GAS7: variants seen among roughly 807,000 people sequenced by gnomAD.
GAS7 encodes growth arrest-specific protein 7.
A neutral mutation model predicts 71.1 loss-of-function variants in GAS7; 28 were observed. The observed-to-expected ratio is 0.39, with a 90% CI of 0.29 to 0.54. The LOEUF is 0.54. GAS7 is among the 20% of genes least tolerant of loss of function. GAS7 has a pLI of 0.62. For missense variants in GAS7, 436 were observed against 627.8 expected, an observed-to-expected ratio of 0.69 and a Z score of 3.27; for synonymous variants, 258 against 245.8, an observed-to-expected ratio of 1.05 and a Z score of -0.46.
At chr17:9,995,622 C>T (rs2071012061) in intron 2 of GAS7, among the ~76,000 whole-genome samples, 1 of 151,904 alleles carries the variant, frequency 6.6e-6, no homozygotes, top group South Asian at 2.1e-4. Context: ...TGTTTTCACC[C>T]ATGGGGAAAA....
chr17:9,938,111 A>G, intron 8 of GAS7, among the ~76,000 whole-genome samples: 1 of 152,188 alleles, frequency 6.6e-6, no homozygotes, highest in East Asian at 1.9e-4. Context: ...ACCCTAACCC[A>G]CAATGTGGCT....
chr17:9,920,794 G>A (rs190450257), intron 11 of GAS7, among the ~76,000 whole-genome samples: 42 of 152,352 alleles, frequency 2.8e-4, no homozygotes, highest in Middle Eastern at 3.4e-3. Context: ...AAGCTCATGA[G>A]TGAACCCCAA....
intron 1 of GAS7, among the ~76,000 whole-genome samples, chr17:10,091,362 G>A (rs942060129): frequency 6.6e-6 from 1 of 152,068 alleles, no homozygotes; most frequent in African/African-American, 2.4e-5. Context: ...CCACCGAACT[G>A]TTTACTTTAG....
At chr17:10,162,942 T>C (rs1057211378) in intron 1 of GAS7, among the ~76,000 whole-genome samples, 1 of 152,096 alleles carries the variant, frequency 6.6e-6, no homozygotes, top group Non-Finnish European at 1.5e-5. Flanking sequence ...TGTACAACAA[T>C]GTGATGTGCT....
intron 1 of GAS7, among the ~76,000 whole-genome samples, chr17:10,176,745 T>A (rs1016535532): frequency 1.3e-5 from 2 of 151,910 alleles, no homozygotes; most frequent in Non-Finnish European, 1.5e-5. Context: ...ATCCTGGGAG[T>A]CCTGGCCTGG....
intron 3 of GAS7, among the ~76,000 whole-genome samples, chr17:9,978,255 G>A (rs949738913): frequency 2.6e-5 from 4 of 151,388 alleles, no homozygotes; most frequent in African/African-American, 9.7e-5. Flanking sequence ...GATGGGCAGG[G>A]CCTCGTTTTA....
At chr17:10,194,662 A>C (rs2074526958) in intron 1 of GAS7, among the ~76,000 whole-genome samples, 1 of 152,032 alleles carries the variant, frequency 6.6e-6, no homozygotes, top group African/African-American at 2.4e-5. Flanking sequence ...CCTCTACCAT[A>C]TCTCTCAAAT....
chr17:10,009,304 G>A (rs778081795), intron 2 of GAS7, among the ~76,000 whole-genome samples: 1 of 121,896 alleles, frequency 8.2e-6, no homozygotes, highest in East Asian at 2.4e-4. Flanking sequence ...CTGGGCGACA[G>A]AGCGAGACTC....
At position 10,062,816 on chromosome 17, in the gene GAS7, G is replaced by A. The variant is rs78915242; in HGVS notation, c.184-42919C>T. 9.8e-3 allele frequency among the ~76,000 whole-genome samples: 1,487 copies of A among 152,246 alleles called. 22 individuals are homozygous for A. Among genetic ancestry groups the A allele is most frequent in the African/African-American group, 0.033 (1,385 of 41,526 alleles). The stretch of plus-strand genomic sequence containing the variant: ...CCCCAGGAGTGCTGAGCCACCATTA[G>A]CTGACACTAATTCCTAATGACCCTG... On this transcript the variant is annotated intron_variant, in intron 1 of 13. Transcript: ENST00000432992.
At chr17:10,138,113 C>T (rs1322508260) in intron 1 of GAS7, among the ~76,000 whole-genome samples, 3 of 152,050 alleles carry the variant, frequency 2.0e-5, no homozygotes, top group Non-Finnish European at 4.4e-5. Flanking sequence ...CAGGCGCCCA[C>T]CACAGCGCCC....
In GAS7 at chr17:10,103,166, A is replaced by G. The variant is rs111849118; in HGVS notation, c.184-83269T>C. 2.0e-5 allele frequency among the ~76,000 whole-genome samples: 3 copies of G among 152,022 alleles called. No individual in the cohort carries two copies. The highest frequency in any genetic ancestry group is 7.2e-5 in the African/African-American group (3 of 41,404). Reference sequence around the variant, plus strand: ...CCAGGAGTTTGAGACCAGCCTGGGCAATATGGCAAAACCCCTCCTCTAAAA... The same window carrying G: ...CCAGGAGTTTGAGACCAGCCTGGGCGATATGGCAAAACCCCTCCTCTAAAA... On this transcript the variant is annotated intron_variant, in intron 1 of 13. Transcript: ENST00000432992. The surrounding 1 kb of genome is among the most constrained non-coding windows in gnomAD (Gnocchi z 5.5).
At chr17:9,947,573 C>T (rs925216282) in intron 5 of GAS7, among the ~76,000 whole-genome samples, 7 of 151,964 alleles carry the variant, frequency 4.6e-5, no homozygotes, top group Non-Finnish European at 8.8e-5. Flanking sequence ...GGAGAAACCC[C>T]GTCTCTACTA....
rs1296844463 is a variant in GAS7, at chr17:10,005,050, T to TATATACAC, written c.304+14726_304+14727insGTGTATAT. ...CTCTCTATATATACATACATATATA[T>TATATACAC]ACACATATATGTGTGTATGCACGCA... On this transcript the variant is annotated intron_variant, in intron 2 of 13. Transcript: ENST00000432992. Among the ~76,000 whole-genome samples, 142 of 150,156 alleles carry TATATACAC rather than the reference T, an allele frequency of 9.5e-4. 3 individuals carry two copies. Among genetic ancestry groups the TATATACAC allele is most frequent in the African/African-American group, 3.3e-3 (133 of 40,142 alleles).
intron 1 of GAS7, among the ~76,000 whole-genome samples, chr17:10,130,835 G>A (rs1032020913): frequency 8.5e-5 from 13 of 152,150 alleles, no homozygotes; most frequent in African/African-American, 2.7e-4. Flanking sequence ...ATAAGTGGCC[G>A]CCTAAGGAAG....
intron 1 of GAS7, among the ~76,000 whole-genome samples, chr17:10,155,100 C>T (rs2074195712): frequency 6.6e-6 from 1 of 151,972 alleles, no homozygotes; most frequent in Non-Finnish European, 1.5e-5. Flanking sequence ...CTGCGACCTC[C>T]GCCTCCCGGG....
chr17:10,070,915 T>C (rs1277569048), intron 1 of GAS7, among the ~76,000 whole-genome samples: 1 of 151,386 alleles, frequency 6.6e-6, no homozygotes, highest in African/African-American at 2.4e-5. Context: ...GCAAAAGTAA[T>C]TGCGTTTTTT....
intron 1 of GAS7, among the ~76,000 whole-genome samples, chr17:10,086,410 A>G (rs1464554623): frequency 6.6e-6 from 1 of 152,154 alleles, no homozygotes; most frequent in Non-Finnish European, 1.5e-5. Flanking sequence ...TCTGAAGGCC[A>G]GGATTATGTC....
chr17:10,174,488 G>A (rs143234751), intron 1 of GAS7, among the ~76,000 whole-genome samples: 2,246 of 152,124 alleles, frequency 0.015, 58 homozygotes, highest in African/African-American at 0.051. Flanking sequence ...GTCAGGAGAT[G>A]GAGACCATCC....
intron 6 of GAS7, 37 bp from the exon 7 acceptor site, chr17:9,943,273 G>T (rs747979203): frequency 5.3e-5 from 63 of 1,198,110 alleles, no homozygotes; most frequent in Middle Eastern, 1.9e-4. Context: ...TTTAGGGCAC[G>T]TCTGAGTCTG....
Sources: gnomAD v4.1 joint callset for allele counts (sites outside exome capture counted in the v4.1 genomes callset) on GRCh38, gnomAD v4.1.1 for gene constraint, Gnocchi (gnomAD v3.1) non-coding constraint, MANE v1.5 for transcripts, NCBI Gene and HGNC (gene_info 2026-07-23, HGNC 2026-07-21) for gene names.